Variants in CHRNA5 observed in about 807,000 individuals in gnomAD.
CHRNA5 encodes neuronal acetylcholine receptor subunit alpha-5.
A neutral mutation model predicts 41.2 loss-of-function variants in CHRNA5; 28 were observed. That is an observed-to-expected ratio of 0.68 (90% CI 0.50 to 0.93). The LOEUF is 0.93. Among genes scored for constraint, CHRNA5 ranks in the 40% least tolerant of loss-of-function variants. The pLI is 0.00. For missense variants in CHRNA5, 481 were observed against 581.9 expected (o/e 0.83, Z 1.78); for synonymous variants, 188 against 205.8 (o/e 0.91, Z 0.74).
intron 2 of CHRNA5, among the ~76,000 whole-genome samples, chr15:78,583,694 CAAAAAAA>C (rs397946301): frequency 1.2e-5 from 1 of 82,362 alleles, no homozygotes; most frequent in Non-Finnish European, 2.6e-5. Flanking sequence ...GACTCTGTCT[CAAAAAAA>C]AAAAAAAAGA....
chr15:78,575,398 C>T (rs537042407), intron 1 of CHRNA5, among the ~76,000 whole-genome samples: 5 of 151,952 alleles, frequency 3.3e-5, no homozygotes, highest in Non-Finnish European at 7.4e-5. Flanking sequence ...TTGTTCTTAT[C>T]CTATTTTTAG....
At position 78,588,321 on chromosome 15, in the gene CHRNA5, T is replaced by C; in HGVS notation, c.311T>C (p.Ile104Thr). 1 of 1,541,484 alleles carries C rather than the reference T, an allele frequency of 6.5e-7. No homozygotes were observed. The highest frequency in any genetic ancestry group is 1.2e-5 in the South Asian group (1 of 84,238). The change falls in exon 4 of 6, where the codon ATA becomes ACA. Residue 104 changes from isoleucine to threonine, a missense_variant. Coordinates refer to ENST00000299565, the Ensembl canonical transcript of CHRNA5. The surrounding 1 kb of genome is among the most constrained non-coding windows in gnomAD (Gnocchi z 4.1). ...GATTTCTTTGTTTTAAAGGAATGGATAGATGTAAAATTAAGATGGAACCCT... is the reference window on the plus strand; with the variant it reads ...GATTTCTTTGTTTTAAAGGAATGGACAGATGTAAAATTAAGATGGAACCCT...
chr15:78,569,109 A>G (rs368015087), intron 1 of CHRNA5, among the ~76,000 whole-genome samples: 1 of 152,218 alleles, frequency 6.6e-6, no homozygotes, highest in East Asian at 1.9e-4. Flanking sequence ...AAGAAATACT[A>G]AATATGTGAA....
exon 1 of CHRNA5, chr15:78,565,698 G>C (rs1271053924): frequency 1.9e-6 from 2 of 1,062,916 alleles, no homozygotes; most frequent in African/African-American, 3.4e-5. Flanking sequence ...GGCTGCCCGC[G>C]GTCCCGCGCG....
chr15:78,590,190 T>G, exon 5 of CHRNA5: 1 of 1,614,090 alleles, frequency 6.2e-7, no homozygotes, highest in Non-Finnish European at 8.5e-7. Context: ...GCTCTCATTT[T>G]TAACTGTACT....
chr15:78,586,961 A>G (rs2052966405), intron 3 of CHRNA5, among the ~76,000 whole-genome samples: 1 of 152,200 alleles, frequency 6.6e-6, no homozygotes, highest in Non-Finnish European at 1.5e-5. Flanking sequence ...ACCCTGTAGT[A>G]TTAGTCCGTT....
intron 2 of CHRNA5, 76 bp from the exon 3 acceptor site, chr15:78,586,569 A>G: frequency 1.1e-6 from 1 of 873,340 alleles, no homozygotes; most frequent in Non-Finnish European, 1.8e-6. Context: ...TTATATAACA[A>G]TGTGAAATTT....
At chr15:78,576,525 A>G (rs1430163847) in intron 1 of CHRNA5, among the ~76,000 whole-genome samples, 2 of 152,180 alleles carry the variant, frequency 1.3e-5, no homozygotes, top group Non-Finnish European at 2.9e-5. Context: ...GGCGTGGTGG[A>G]TCTTGTAGCA....
rs2052981940 is a variant in CHRNA5 at position 78,588,506 on chromosome 15, T to C, written c.413+83T>C. ...TTAGGCACTAATAATTTTTCTCCCT[T>C]TTGAAATTGTTTAGGTATAAAAATC... On this transcript the variant is annotated intron_variant, in intron 4 of 5. Coordinates refer to ENST00000299565, the Ensembl canonical transcript of CHRNA5. The surrounding 1 kb of genome is among the most constrained non-coding windows in gnomAD (Gnocchi z 4.1). 1.6e-6 allele frequency: 1 copy of C among 615,372 alleles called. No individual in the cohort carries two copies. Among genetic ancestry groups the C allele is most frequent in the Non-Finnish European group, 2.6e-6 (1 of 385,612 alleles). The allele number at this position is 615,372 out of a possible 1,614,324, so 38.1% of individuals were successfully genotyped here. A position where few individuals can be genotyped will look rare whatever the true frequency, so the allele number is the denominator to read the frequency against.
chr15:78,595,053 C>G (rs113314892), exon 6 of CHRNA5: 14 of 152,580 alleles, frequency 9.2e-5, no homozygotes, highest in African/African-American at 3.4e-4. Context: ...AGTAACCTAT[C>G]TAAGTTCAAG....
chr15:78,593,011 C>T (rs1040446529), intron 5 of CHRNA5, 81 bp from the exon 6 acceptor site: 21 of 1,524,472 alleles, frequency 1.4e-5, no homozygotes, highest in Admixed American at 4.1e-5. Context: ...GATTTGGCTT[C>T]TAACTCAGTG....
In CHRNA5 at chr15:78,586,765, A is replaced by T. The variant is rs2052965192; in HGVS notation, c.303+76A>T. 5.9e-6 allele frequency: 6 copies of T among 1,019,146 alleles called. No homozygotes were observed. The South Asian group carries it at 8.5e-5, about 14-fold the overall frequency. 63.1% of individuals were successfully genotyped at this position (1,019,146 alleles called of 1,614,324 possible). A position where few individuals can be genotyped will look rare whatever the true frequency, so the allele number is the denominator to read the frequency against. On this transcript the variant is annotated intron_variant, in intron 3 of 5. Coordinates refer to ENST00000299565, the Ensembl canonical transcript of CHRNA5. Reference sequence around the variant, plus strand: ...TTTTTATTATATGTATTGTAGCAGAAATACAAGAGTATGTATATTTGTGAA... The same window carrying T: ...TTTTTATTATATGTATTGTAGCAGATATACAAGAGTATGTATATTTGTGAA...
rs139868702 is a variant in CHRNA5, at chr15:78,577,545, T to A, written c.107-3266T>A. On this transcript the variant is annotated intron_variant, in intron 1 of 5. Coordinates refer to ENST00000299565, the Ensembl canonical transcript of CHRNA5. ...AGAATGTTGGGATTACTATTTTATT[T>A]ATACCCTGTCTACTTTCTTTCAAAG... Among the ~76,000 whole-genome samples the A allele has an allele frequency of 7.9e-4, 121 of 152,324 alleles. 1 individual carries two copies. Among genetic ancestry groups the A allele is most frequent in the African/African-American group, 2.8e-3 (115 of 41,572 alleles).
At chr15:78,569,432 A>ATTT (rs202079097) in intron 1 of CHRNA5, among the ~76,000 whole-genome samples, 13 of 137,392 alleles carry the variant, frequency 9.5e-5, no homozygotes, top group East Asian at 2.1e-4. Context: ...AAATATTGGA[A>ATTT]TTTTTTTTTT....
chr15:78,570,250 A>C (rs1218621534), intron 1 of CHRNA5, among the ~76,000 whole-genome samples: 1 of 151,168 alleles, frequency 6.6e-6, no homozygotes, highest in Non-Finnish European at 1.5e-5. Flanking sequence ...TGTTTGTCCT[A>C]CTGTTTATTT....
chr15:78,593,360 A>C, exon 6 of CHRNA5: 1 of 1,157,830 alleles, frequency 8.6e-7, no homozygotes, highest in Non-Finnish European at 1.2e-6. Context: ...TGCAAGCTTT[A>C]ACAGACTAAG....
chr15:78,593,165 T>C (rs754643899), exon 6 of CHRNA5: 1 of 1,613,998 alleles, frequency 6.2e-7, no homozygotes, highest in Non-Finnish European at 8.5e-7. Flanking sequence ...TTCGTTTCAA[T>C]TGTTGGATCT....
intron 1 of CHRNA5, among the ~76,000 whole-genome samples, chr15:78,571,940 G>A (rs1567051893): frequency 1.3e-5 from 2 of 151,954 alleles, no homozygotes; most frequent in African/African-American, 4.8e-5. Context: ...GCTTTATCTT[G>A]CTGTTGCTTA....
chr15:78,586,603 T>C, intron 2 of CHRNA5, 42 bp from the exon 3 acceptor site: 1 of 1,131,250 alleles, frequency 8.8e-7, no homozygotes, highest in African/African-American at 1.6e-5. Context: ...TTATTGTTTC[T>C]GTAATTGAAA....
Sources: allele counts gnomAD v4.1 joint callset (sites outside exome capture counted in the v4.1 genomes callset), GRCh38; gene constraint gnomAD v4.1.1; non-coding constraint Gnocchi (gnomAD v3.1); transcripts MANE v1.5; gene names NCBI Gene and HGNC (gene_info 2026-07-23, HGNC 2026-07-21).